Variants in FAM135B observed in about 807,000 individuals in gnomAD.
FAM135B encodes the protein family with sequence similarity 135 member B.
A neutral mutation model predicts 127.7 loss-of-function variants in FAM135B; 43 were observed. That is an observed-to-expected ratio of 0.34 (90% CI 0.26 to 0.43). FAM135B has a LOEUF of 0.43. Ranked by LOEUF, FAM135B falls within the 20% of genes least tolerant of loss-of-function variation. The pLI, the probability that FAM135B is intolerant of heterozygous loss-of-function variation, is 1.00. For synonymous variants in FAM135B, 670 were observed against 665.1 expected, an observed-to-expected ratio of 1.01 and a Z score of -0.11; for missense variants, 1,558 against 1,725.6, an observed-to-expected ratio of 0.90 and a Z score of 1.72.
At chr8:138,488,843 T>G (rs1329549002) in intron 1 of FAM135B, among the ~76,000 whole-genome samples, 1 of 152,110 alleles carries the variant, frequency 6.6e-6, no homozygotes, top group East Asian at 1.9e-4. Context: ...ATTTTCGTAT[T>G]TTTTGTAGAG....
intron 1 of FAM135B, among the ~76,000 whole-genome samples, chr8:138,407,595 A>G (rs1833596691): frequency 6.6e-6 from 1 of 152,196 alleles, no homozygotes; most frequent in Non-Finnish European, 1.5e-5. Context: ...GCCCTCAGAA[A>G]TAATGCTGCA....
chr8:138,395,084 T>G (rs1832780214), intron 1 of FAM135B, among the ~76,000 whole-genome samples: 1 of 152,192 alleles, frequency 6.6e-6, no homozygotes, highest in Non-Finnish European at 1.5e-5. Context: ...TCATTGCCAA[T>G]GCAGTGAGTT....
chr8:138,176,674 CCTT>C (rs1489534006), intron 11 of FAM135B, among the ~76,000 whole-genome samples: 1 of 152,214 alleles, frequency 6.6e-6, no homozygotes, highest in East Asian at 1.9e-4. Flanking sequence ...ATGTGTTTCT[CCTT>C]CTATTTTTGC....
intron 6 of FAM135B, among the ~76,000 whole-genome samples, chr8:138,248,266 A>G (rs1821435546): frequency 6.6e-6 from 1 of 152,184 alleles, no homozygotes; most frequent in African/African-American, 2.4e-5. Context: ...CCTACCCTAC[A>G]CTGGGTTCCC....
intron 1 of FAM135B, among the ~76,000 whole-genome samples, chr8:138,487,251 AG>A (rs1815017756): frequency 6.6e-6 from 1 of 152,142 alleles, no homozygotes; most frequent in Non-Finnish European, 1.5e-5. Context: ...GGACATCTGC[AG>A]GCTCCAAAGC....
chr8:138,305,972 T>A (rs1050805655), intron 3 of FAM135B, among the ~76,000 whole-genome samples: 6 of 152,210 alleles, frequency 3.9e-5, no homozygotes, highest in Non-Finnish European at 7.3e-5. Context: ...TTATGTCTTA[T>A]GATTACTACA....
At chr8:138,349,900 G>A (rs560170839) in intron 2 of FAM135B, among the ~76,000 whole-genome samples, 1 of 152,188 alleles carries the variant, frequency 6.6e-6, no homozygotes, top group East Asian at 1.9e-4. Flanking sequence ...ACAAATTATG[G>A]GATAAACATC....
At chr8:138,433,420 G>A (rs1461541631) in intron 1 of FAM135B, among the ~76,000 whole-genome samples, 2 of 38 alleles carry the variant, frequency 0.053, no homozygotes, top group African/African-American at 0.12. Flanking sequence ...TACTCAGGAG[G>A]CTTGAGGCAA....
chr8:138,175,196 A>G (rs1814330575), intron 11 of FAM135B, among the ~76,000 whole-genome samples: 1 of 152,224 alleles, frequency 6.6e-6, no homozygotes, highest in Non-Finnish European at 1.5e-5. Flanking sequence ...TAATTACCAC[A>G]GTACACAATC....
At chr8:138,430,052 GC>G (rs1377981464) in intron 1 of FAM135B, among the ~76,000 whole-genome samples, 1 of 152,146 alleles carries the variant, frequency 6.6e-6, no homozygotes, top group Non-Finnish European at 1.5e-5. Flanking sequence ...AGCCAACGCA[GC>G]ACTTTCTAGA....
chr8:138,315,646 C>T (rs1052731269), intron 2 of FAM135B, among the ~76,000 whole-genome samples: 4 of 147,140 alleles, frequency 2.7e-5, no homozygotes, highest in African/African-American at 1.0e-4. Context: ...TACACATGCA[C>T]TCAAACAATG....
At chr8:138,439,540 T>C (rs1012644303) in intron 1 of FAM135B, 2 of 152,128 alleles carry the variant, frequency 1.3e-5, no homozygotes, top group South Asian at 4.1e-4. Flanking sequence ...ACATGTCATG[T>C]TGGGTTTCCC....
intron 2 of FAM135B, among the ~76,000 whole-genome samples, chr8:138,341,472 G>T (rs10105423): frequency 0.52 from 79,040 of 151,984 alleles, 22,395 homozygotes; most frequent in Non-Finnish European, 0.65. Flanking sequence ...TTTCAGCTGG[G>T]GAAGCTTTAA....
At chr8:138,338,452 T>C (rs1828783661) in intron 2 of FAM135B, among the ~76,000 whole-genome samples, 1 of 151,994 alleles carries the variant, frequency 6.6e-6, no homozygotes, top group South Asian at 2.1e-4. Context: ...GGGCAAAGGA[T>C]ATAAACAGAC....
chr8:138,372,934 G>A (rs544967287), intron 1 of FAM135B, among the ~76,000 whole-genome samples: 1 of 152,216 alleles, frequency 6.6e-6, no homozygotes, highest in East Asian at 1.9e-4. Flanking sequence ...GCAGACAAAG[G>A]ATGAGGTCCC....
chr8:138,141,493 T>TCAAC lies in FAM135B; in HGVS notation c.3639-148_3639-145dup. The TCAAC allele has an allele frequency of 1.3e-6, 1 of 796,862 alleles. No individual in the cohort carries two copies. The highest frequency in any genetic ancestry group is 2.1e-6 in the Non-Finnish European group (1 of 487,518). The allele number at this position is 796,862 out of a possible 1,614,324, so 49.4% of individuals were successfully genotyped here. A position where few individuals can be genotyped will look rare whatever the true frequency, so the allele number is the denominator to read the frequency against. On this transcript the variant is annotated intron_variant, in intron 16 of 19. Transcript: ENST00000395297. This position sits in a 1 kb window ranked among gnomAD's most constrained non-coding sequence, Gnocchi z 4.7. Reference sequence around the variant, plus strand: ...GGCAAAGAGAACAGGGACTGCCAACTCAACCTCATCAGGTTTCAAAACACT... The same window carrying TCAAC: ...GGCAAAGAGAACAGGGACTGCCAACTCAACCAACCTCATCAGGTTTCAAAACACT...
At chr8:138,468,934 A>G (rs1449819143) in intron 1 of FAM135B, among the ~76,000 whole-genome samples, 1 of 152,036 alleles carries the variant, frequency 6.6e-6, no homozygotes, top group Non-Finnish European at 1.5e-5. Flanking sequence ...AATTCCAGCT[A>G]CTCGGAAGGC....
At chr8:138,357,183 T>G (rs1415484197) in intron 2 of FAM135B, among the ~76,000 whole-genome samples, 1 of 152,148 alleles carries the variant, frequency 6.6e-6, no homozygotes, top group African/African-American at 2.4e-5. Flanking sequence ...AATGAAATTA[T>G]GAAAATTTGT....
chr8:138,255,986 C>G (rs890442406), intron 5 of FAM135B, among the ~76,000 whole-genome samples: 23 of 152,084 alleles, frequency 1.5e-4, no homozygotes, highest in African/African-American at 5.3e-4. Context: ...CCTAGGGAAG[C>G]CTGGATCTGG....
Sources: gnomAD v4.1 joint callset for allele counts (sites outside exome capture counted in the v4.1 genomes callset) on GRCh38, gnomAD v4.1.1 for gene constraint, Gnocchi (gnomAD v3.1) non-coding constraint, MANE v1.5 for transcripts, NCBI Gene and HGNC (gene_info 2026-07-23, HGNC 2026-07-21) for gene names.